The following NKAIN3 variants were observed in gnomAD, a reference collection of about 807,000 sequenced individuals.
NKAIN3 encodes the protein sodium/potassium-transporting ATPase subunit beta-1-interacting protein 3.
A neutral mutation model predicts 30.2 loss-of-function variants in NKAIN3; 25 were observed. That is an observed-to-expected ratio of 0.83 (90% CI 0.60 to 1.16). NKAIN3 has a LOEUF of 1.16. NKAIN3 is among the 50% of genes most tolerant of loss of function. The probability of loss-of-function intolerance (pLI) is 0.00; values close to 1 mark genes in which losing one functional copy is unlikely to be tolerated. For missense variants in NKAIN3, 225 were observed against 254.1 expected, an observed-to-expected ratio of 0.89 and a Z score of 0.78; for synonymous variants, 91 against 89.6, an observed-to-expected ratio of 1.02 and a Z score of -0.09.
At chr8:62,942,397 A>T (rs1431134753) in intron 5 of NKAIN3, among the ~76,000 whole-genome samples, 2 of 151,284 alleles carry the variant, frequency 1.3e-5, no homozygotes, top group African/African-American at 4.8e-5. Context: ...CACAGATGGA[A>T]ACACCCCATG....
intron 5 of NKAIN3, among the ~76,000 whole-genome samples, chr8:62,933,111 G>T (rs1321516260): frequency 6.6e-6 from 1 of 152,038 alleles, no homozygotes; most frequent in African/African-American, 2.4e-5. Flanking sequence ...GGATGATGTG[G>T]AGCAGTGAAT....
At chr8:62,445,567 A>G (rs1402774643) in intron 1 of NKAIN3, among the ~76,000 whole-genome samples, 2 of 152,164 alleles carry the variant, frequency 1.3e-5, no homozygotes, top group East Asian at 1.9e-4. Flanking sequence ...ATACAGTTAT[A>G]CAGAAGTGAG....
intron 5 of NKAIN3, among the ~76,000 whole-genome samples, chr8:62,919,927 T>C (rs1217723396): frequency 6.6e-6 from 1 of 151,202 alleles, no homozygotes; most frequent in African/African-American, 2.4e-5. Context: ...TTTTTAATGC[T>C]AGATAAGTCA....
At chr8:62,877,776 C>T (rs867718890) in intron 4 of NKAIN3, among the ~76,000 whole-genome samples, 1 of 152,120 alleles carries the variant, frequency 6.6e-6, no homozygotes, top group African/African-American at 2.4e-5. Context: ...CGCAGTGGCT[C>T]ACACCTGTAA....
rs148034451 is a variant in NKAIN3, at chr8:62,713,592, C to T, written c.274-33340C>T. ...TAATAAACACCAAGATTAATGTTTG[C>T]GTTTTGTTATACAACATGTCTATTA... On this transcript the variant is annotated intron_variant, in intron 3 of 6. Coordinates refer to ENST00000623646, the MANE Select transcript of NKAIN3 (RefSeq NM_001304533.3). 3.2e-3 allele frequency among the ~76,000 whole-genome samples: 484 copies of T among 152,198 alleles called. 1 individual carries two copies. The highest frequency in any genetic ancestry group is 0.024 in the Middle Eastern group (7 of 294).
intron 4 of NKAIN3, among the ~76,000 whole-genome samples, chr8:62,810,542 G>A (rs947562067): frequency 6.6e-6 from 1 of 151,534 alleles, no homozygotes; most frequent in African/African-American, 2.4e-5. Flanking sequence ...TTTAATAGGT[G>A]AGCTGAATAT....
intron 5 of NKAIN3, among the ~76,000 whole-genome samples, chr8:62,933,013 C>CAT (rs1210422585): frequency 6.6e-6 from 1 of 151,812 alleles, no homozygotes; most frequent in Non-Finnish European, 1.5e-5. Flanking sequence ...CACACACACA[C>CAT]ACACACACAC....
chr8:62,618,589 AAAGAAACAAG>A (rs1399604806), intron 3 of NKAIN3, among the ~76,000 whole-genome samples: 7 of 152,006 alleles, frequency 4.6e-5, no homozygotes, highest in Non-Finnish European at 7.4e-5. Flanking sequence ...CCCTCCACTA[AAAGAAACAAG>A]AAGAAAGAAG....
intron 3 of NKAIN3, among the ~76,000 whole-genome samples, chr8:62,726,553 C>A (rs1323747684): frequency 1.3e-5 from 2 of 152,010 alleles, no homozygotes; most frequent in African/African-American, 4.8e-5. Context: ...TTGAAATGAT[C>A]ACATGGTTTT....
chr8:62,554,095 T>C lies in NKAIN3; in HGVS notation c.55-25444T>C, dbSNP rs74898431. 4.0e-3 allele frequency among the ~76,000 whole-genome samples: 609 copies of C among 152,310 alleles called. 2 individuals are homozygous for C. Among genetic ancestry groups the C allele is most frequent in the African/African-American group, 0.011 (439 of 41,570 alleles). The stretch of plus-strand genomic sequence containing the variant: ...GCTACCTTGAAAAAATAGATACTTT[T>C]CTTTGTAATTCCATAGAGGGACATG... On this transcript the variant is annotated intron_variant, in intron 1 of 6. Coordinates refer to ENST00000623646, the MANE Select transcript of NKAIN3 (RefSeq NM_001304533.3).
chr8:62,282,762 T>C (rs1813246660), intron 1 of NKAIN3, among the ~76,000 whole-genome samples: 1 of 152,150 alleles, frequency 6.6e-6, no homozygotes, highest in African/African-American at 2.4e-5. Flanking sequence ...GAAATTGTTT[T>C]TGAATATTCA....
intron 4 of NKAIN3, among the ~76,000 whole-genome samples, chr8:62,879,145 C>A (rs559162692): frequency 1.1e-4 from 17 of 152,302 alleles, no homozygotes; most frequent in Admixed American, 1.1e-3. Flanking sequence ...AAAAGTGTTC[C>A]TATTTCTCCA....
intron 4 of NKAIN3, chr8:62,863,961 T>A: frequency 1.2e-6 from 1 of 842,228 alleles, no homozygotes; most frequent in Admixed American, 1.8e-5. Context: ...GTGGTGGTGG[T>A]GGAGGTGGAG....
At chr8:62,713,563 T>C (rs1380579654) in intron 3 of NKAIN3, among the ~76,000 whole-genome samples, 1 of 152,230 alleles carries the variant, frequency 6.6e-6, no homozygotes, top group Admixed American at 6.5e-5. Flanking sequence ...AACAACAATG[T>C]CACTAATAAA....
downstream of NKAIN3, among the ~76,000 whole-genome samples, chr8:62,987,637 C>A (rs1409578159): frequency 2.0e-5 from 3 of 152,068 alleles, no homozygotes; most frequent in Non-Finnish European, 4.4e-5. Context: ...ACAGACCTCC[C>A]CCCCATGATT....
chr8:62,741,185 C>G (rs1284165850), intron 3 of NKAIN3, among the ~76,000 whole-genome samples: 3 of 152,086 alleles, frequency 2.0e-5, no homozygotes, highest in African/African-American at 7.2e-5. Context: ...GACTTTGAGT[C>G]TATGACGTTA....
At chr8:62,336,648 C>T (rs369074620) in intron 1 of NKAIN3, among the ~76,000 whole-genome samples, 48 of 151,882 alleles carry the variant, frequency 3.2e-4, no homozygotes, top group East Asian at 3.9e-4. Context: ...GATTTTGTCC[C>T]GGTTTTCTAC....
At chr8:62,592,824 A>T (rs937378547) in intron 3 of NKAIN3, among the ~76,000 whole-genome samples, 3 of 152,052 alleles carry the variant, frequency 2.0e-5, no homozygotes, top group Non-Finnish European at 2.9e-5. Context: ...GAAAAAAAGT[A>T]GACTTCAAAT....
intron 1 of NKAIN3, among the ~76,000 whole-genome samples, chr8:62,543,190 T>C (rs900457585): frequency 1.1e-4 from 17 of 152,302 alleles, no homozygotes; most frequent in East Asian, 5.8e-4. Flanking sequence ...CATCTGGTTG[T>C]CTGAGACTGA....
Sources: allele counts gnomAD v4.1 joint callset (sites outside exome capture counted in the v4.1 genomes callset), GRCh38; gene constraint gnomAD v4.1.1; transcripts MANE v1.5; gene names NCBI Gene and HGNC (gene_info 2026-07-23, HGNC 2026-07-21).